Variants in CDH13 observed in about 807,000 individuals in gnomAD.
The protein encoded by CDH13 is cadherin 13, also known as cadherin-13.
Under a neutral mutation model 63.8 loss-of-function variants are expected in CDH13, and 24 were observed. That is an observed-to-expected ratio of 0.38 (90% CI 0.27 to 0.53). CDH13 has a LOEUF of 0.53. Among genes scored for constraint, CDH13 ranks in the 20% least tolerant of loss-of-function variants. CDH13 has a pLI of 0.85. For synonymous variants in CDH13, 503 were observed against 355.3 expected (o/e 1.42, Z -4.67); for missense variants, 1,049 against 903.1 (o/e 1.16, Z -2.07).
intron 2 of CDH13, among the ~76,000 whole-genome samples, chr16:82,976,372 T>A (rs141989178): frequency 6.6e-6 from 1 of 152,298 alleles, no homozygotes; most frequent in African/African-American, 2.4e-5. Flanking sequence ...AGAGAATGTA[T>A]CTCACTCAAC....
intron 4 of CDH13, among the ~76,000 whole-genome samples, chr16:83,197,121 T>G (rs1001763867): frequency 3.3e-5 from 5 of 152,202 alleles, no homozygotes; most frequent in African/African-American, 4.8e-5. Flanking sequence ...ATGAATGAAT[T>G]ATTGATACAC....
chr16:82,794,048 A>G (rs1361786942), intron 1 of CDH13, among the ~76,000 whole-genome samples: 1 of 152,052 alleles, frequency 6.6e-6, no homozygotes, highest in Non-Finnish European at 1.5e-5. Flanking sequence ...CTGGGGTATA[A>G]CCAAGCTTGT....
At chr16:83,577,569 G>T (rs1189209003) in intron 7 of CDH13, among the ~76,000 whole-genome samples, 2 of 152,092 alleles carry the variant, frequency 1.3e-5, no homozygotes, top group Non-Finnish European at 2.9e-5. Flanking sequence ...ATTACTAATG[G>T]CCATCACATC....
At chr16:82,966,485 G>T (rs910197173) in intron 2 of CDH13, among the ~76,000 whole-genome samples, 9 of 152,202 alleles carry the variant, frequency 5.9e-5, no homozygotes, top group African/African-American at 2.2e-4. Context: ...CTGAGGCTCA[G>T]AGATGCTAAA....
chr16:83,012,405 T>C (rs1914257208), intron 2 of CDH13, among the ~76,000 whole-genome samples: 1 of 146,630 alleles, frequency 6.8e-6, no homozygotes, highest in African/African-American at 2.5e-5. Context: ...CCAAGGAAAA[T>C]ATAAAATAAA....
intron 6 of CDH13, among the ~76,000 whole-genome samples, chr16:83,353,185 G>A (rs547356943): frequency 2.0e-5 from 3 of 152,358 alleles, no homozygotes; most frequent in Non-Finnish European, 2.9e-5. Context: ...CCACATGTCC[G>A]TGTAACGAAA....
intron 11 of CDH13, among the ~76,000 whole-genome samples, chr16:83,752,626 G>A (rs1031095920): frequency 6.6e-6 from 1 of 152,124 alleles, no homozygotes; most frequent in Admixed American, 6.5e-5. Flanking sequence ...TCTCATCTTT[G>A]AGACTCATTG....
chr16:83,072,704 G>A (rs2032527433), intron 3 of CDH13, among the ~76,000 whole-genome samples: 2 of 152,064 alleles, frequency 1.3e-5, no homozygotes, highest in African/African-American at 4.8e-5. Context: ...GAGCAATGTC[G>A]TTATGAGAAT....
At chr16:82,693,522 C>G (rs1326998091) in intron 1 of CDH13, among the ~76,000 whole-genome samples, 3 of 152,200 alleles carry the variant, frequency 2.0e-5, no homozygotes, top group Non-Finnish European at 4.4e-5. Flanking sequence ...TCGCTCTCCC[C>G]TGTATTAATG....
intron 1 of CDH13, among the ~76,000 whole-genome samples, chr16:82,767,369 A>G (rs903476776): frequency 6.6e-6 from 1 of 152,220 alleles, no homozygotes; most frequent in African/African-American, 2.4e-5. Flanking sequence ...TATCTGTTCT[A>G]GAACTTGATA....
At chr16:82,828,924 G>C (rs1189251592) in intron 1 of CDH13, among the ~76,000 whole-genome samples, 1 of 152,088 alleles carries the variant, frequency 6.6e-6, no homozygotes, top group Non-Finnish European at 1.5e-5. Flanking sequence ...CAGATACCAA[G>C]GGACAATTGT....
At position 83,628,102 on chromosome 16, in the gene CDH13, T is replaced by C. The variant is rs998707270; in HGVS notation, c.1101+25508T>C. Among the ~76,000 whole-genome samples, 7 of 152,180 alleles carry C rather than the reference T, an allele frequency of 4.6e-5. No individual in the cohort carries two copies. In the East Asian group the frequency reaches 1.3e-3, roughly 29 times the overall value. On this transcript the variant is annotated intron_variant, in intron 8 of 13. Transcript: ENST00000567109. ...CCGGCTTCTTTACTGCAACCTATTT[T>C]ATCAGCAAGGTCTTCATGACCTGTA...
chr16:82,784,903 T>G (rs1417906393), intron 1 of CDH13, among the ~76,000 whole-genome samples: 5 of 152,208 alleles, frequency 3.3e-5, no homozygotes, highest in African/African-American at 1.2e-4. Flanking sequence ...GCGAGGCTGA[T>G]GCACATTGAA....
At chr16:83,260,097 T>TGCACACACAC (rs1358317107) in intron 5 of CDH13, among the ~76,000 whole-genome samples, 6 of 126,478 alleles carry the variant, frequency 4.7e-5, no homozygotes, top group African/African-American at 1.8e-4. Context: ...GTACCCCCAA[T>TGCACACACAC]ACACACACAC....
intron 1 of CDH13, among the ~76,000 whole-genome samples, chr16:82,721,789 G>A (rs1317714444): frequency 6.6e-6 from 1 of 152,192 alleles, no homozygotes; most frequent in Non-Finnish European, 1.5e-5. Context: ...AGTGAGCTAA[G>A]TTTTGGGGTC....
chr16:83,231,710 G>A (rs1481390061), intron 5 of CDH13, among the ~76,000 whole-genome samples: 2 of 152,138 alleles, frequency 1.3e-5, no homozygotes, highest in Non-Finnish European at 2.9e-5. Context: ...AAGCCAAAAG[G>A]ACTTACTCTG....
rs114661304 is a variant in CDH13, at chr16:83,067,476, T to A, written c.366+35258T>A. ...AAGAACCCATATAGTGTTTGAGACATGATTGTGCTCAAGAAATGATAGGAA... is the reference window on the plus strand; with the variant it reads ...AAGAACCCATATAGTGTTTGAGACAAGATTGTGCTCAAGAAATGATAGGAA... On this transcript the variant is annotated intron_variant, in intron 3 of 13. Transcript: ENST00000567109. 6.5e-3 allele frequency among the ~76,000 whole-genome samples: 997 copies of A among 152,288 alleles called. 16 individuals are homozygous for A. The highest frequency in any genetic ancestry group is 0.021 in the African/African-American group (888 of 41,546).
At chr16:82,976,449 CCTCATGCTTTTCCA>C in intron 2 of CDH13, among the ~76,000 whole-genome samples, 1 of 152,282 alleles carries the variant, frequency 6.6e-6, no homozygotes. Context: ...TTCCAGTTAT[CCTCATGCTTTTCCA>C]TCTTAGATGC....
chr16:83,580,004 G>A (rs760707645), intron 7 of CDH13, among the ~76,000 whole-genome samples: 4 of 152,128 alleles, frequency 2.6e-5, no homozygotes, highest in Admixed American at 6.5e-5. Flanking sequence ...GAAGTAGAGA[G>A]AGCATGGCAT....
Sources: allele counts gnomAD v4.1 joint callset (sites outside exome capture counted in the v4.1 genomes callset), GRCh38; gene constraint gnomAD v4.1.1; transcripts MANE v1.5; gene names NCBI Gene and HGNC (gene_info 2026-07-23, HGNC 2026-07-21).